POU6F2: variants seen among roughly 807,000 people sequenced by gnomAD.
POU6F2 encodes the protein POU class 6 homeobox 2.
A neutral mutation model predicts 71.3 loss-of-function variants in POU6F2; 31 were observed. The ratio of observed to expected loss-of-function variants is 0.43; its 90% CI spans 0.33 to 0.59. The LOEUF (loss-of-function observed/expected upper bound fraction) is 0.59, where lower values mean the gene tolerates loss of function less well. POU6F2 is among the 20% of genes least tolerant of loss of function. The pLI, the probability that POU6F2 is intolerant of heterozygous loss-of-function variation, is 0.04. For synonymous variants in POU6F2, 347 were observed against 355.7 expected, an observed-to-expected ratio of 0.98 and a Z score of 0.27; for missense variants, 783 against 856.8, an observed-to-expected ratio of 0.91 and a Z score of 1.07.
At position 39,412,964 on chromosome 7, in the gene POU6F2, C is replaced by G. The variant is rs557918152; in HGVS notation, c.1113+6224C>G. Among the ~76,000 whole-genome samples, 96 of 150,886 alleles carry G rather than the reference C, an allele frequency of 6.4e-4. No individual in the cohort carries two copies. The South Asian group carries it at 0.019, about 30-fold the overall frequency. On this transcript the variant is annotated intron_variant, in intron 6 of 9. Transcript: ENST00000518318. Reference sequence around the variant, plus strand: ...TACAGGTGCCTGCCACCACGCCTGGCTAATTTTTTTTTGTATTTTTTAGTA... The same window carrying G: ...TACAGGTGCCTGCCACCACGCCTGGGTAATTTTTTTTTGTATTTTTTAGTA...
rs943400127 is a variant in POU6F2 at position 38,983,598 on chromosome 7, A to G, written c.105+5540A>G. 2.6e-5 allele frequency among the ~76,000 whole-genome samples: 4 copies of G among 152,184 alleles called. No homozygotes were observed. In the South Asian group the frequency reaches 6.2e-4, roughly 24 times the overall value. ...AAGAAGCGGTTGCGAGTGAAACACT[A>G]TCACTACATTTCAGTAAAGATTTAT... On this transcript the variant is annotated intron_variant, in intron 1 of 9. Coordinates refer to ENST00000518318, the MANE Select transcript of POU6F2 (RefSeq NM_001370959.1).
At chr7:39,121,256 A>C (rs1792034086) in intron 2 of POU6F2, among the ~76,000 whole-genome samples, 1 of 152,228 alleles carries the variant, frequency 6.6e-6, no homozygotes, top group African/African-American at 2.4e-5. Context: ...CCGTTTCCTC[A>C]TCCATTAAGT....
At chr7:39,007,971 G>A (rs1194240273) in intron 1 of POU6F2, among the ~76,000 whole-genome samples, 4 of 149,998 alleles carry the variant, frequency 2.7e-5, no homozygotes, top group Admixed American at 1.3e-4. Context: ...ATTGTGAATA[G>A]TGCCGCAATA....
chr7:39,215,056 G>A (rs1426526101), intron 4 of POU6F2, among the ~76,000 whole-genome samples: 3 of 152,184 alleles, frequency 2.0e-5, no homozygotes, highest in African/African-American at 7.2e-5. Flanking sequence ...GTAAGAAGCA[G>A]GAAGGAGGCC....
intron 2 of POU6F2, among the ~76,000 whole-genome samples, chr7:39,089,747 TA>T (rs1791324378): frequency 6.6e-6 from 1 of 152,216 alleles, no homozygotes; most frequent in Non-Finnish European, 1.5e-5. Flanking sequence ...ATATGTGTGC[TA>T]AAGTTTTCCC....
intron 6 of POU6F2, among the ~76,000 whole-genome samples, chr7:39,426,603 C>G (rs1359867721): frequency 6.6e-6 from 1 of 152,052 alleles, no homozygotes; most frequent in African/African-American, 2.4e-5. Flanking sequence ...CTCTCTCCCT[C>G]TCTCTCACCC....
intron 4 of POU6F2, among the ~76,000 whole-genome samples, chr7:39,273,261 G>A (rs527839777): frequency 1.1e-4 from 17 of 152,214 alleles, no homozygotes; most frequent in African/African-American, 4.1e-4. Context: ...AGAACAGAGT[G>A]TAAAAATGGA....
intron 7 of POU6F2, among the ~76,000 whole-genome samples, chr7:39,449,189 A>G (rs1350278046): frequency 1.3e-5 from 2 of 152,124 alleles, no homozygotes; most frequent in African/African-American, 2.4e-5. Context: ...TCCCTGCACT[A>G]TGGGGTGGGA....
intron 1 of POU6F2, among the ~76,000 whole-genome samples, chr7:38,985,980 A>G (rs1788453221): frequency 6.6e-6 from 1 of 152,132 alleles, no homozygotes; most frequent in African/African-American, 2.4e-5. Flanking sequence ...CTATATCTAG[A>G]TTCCTAGTGA....
chr7:39,235,114 G>C (rs969422879), intron 4 of POU6F2, among the ~76,000 whole-genome samples: 4 of 152,134 alleles, frequency 2.6e-5, no homozygotes, highest in African/African-American at 9.7e-5. Context: ...TCCAGGATTT[G>C]CTACTTTTAC....
At chr7:39,343,935 A>G (rs1583539770) in intron 5 of POU6F2, among the ~76,000 whole-genome samples, 2 of 152,304 alleles carry the variant, frequency 1.3e-5, no homozygotes, top group East Asian at 3.9e-4. Flanking sequence ...GGCAGAGTGA[A>G]AAGAGAGTGG....
intron 8 of POU6F2, among the ~76,000 whole-genome samples, chr7:39,454,712 ATATATATATATAT>A (rs1788756241): frequency 2.3e-5 from 2 of 85,200 alleles, no homozygotes; most frequent in African/African-American, 4.3e-5. Flanking sequence ...ATATATATAT[ATATATATATATAT>A]ATAAAATAAG....
chr7:38,992,659 T>C (rs859532), intron 1 of POU6F2, among the ~76,000 whole-genome samples: 151,484 of 152,270 alleles, frequency 0.99, 75,358 homozygotes, highest in East Asian at 1. Context: ...GCTTATAAAG[T>C]CAATATCATT....
In POU6F2 at chr7:39,207,613, T is replaced by G. The variant is rs1408698202; in HGVS notation, c.591T>G (p.Asn197Lys). The G allele has an allele frequency of 6.2e-7, 1 of 1,613,564 alleles. No homozygotes were observed. Among genetic ancestry groups the G allele is most frequent in the East Asian group, 2.2e-5 (1 of 44,846 alleles). Residue 197 changes from asparagine to lysine, a missense_variant, in exon 4 of 10, where the codon AAT becomes AAG. Asn to Lys is a moderately conservative substitution (Grantham distance 94, BLOSUM62 0). Around this residue, in one of 2 missense-constraint regions of POU6F2, gnomAD observed 572 missense variants for 572.9 expected, o/e 1.00. Transcript: ENST00000518318. The part of the protein sequence containing the change: ...AGGIMTLPLQ[N>K]LQATSSLNSQ... ...GCATTATGACTCTGCCACTGCAAAA[T>G]CTACAAGGTAATCCATAATGTCCAT... is the stretch of plus-strand genomic sequence containing the variant.
At chr7:39,324,635 A>G (rs749952173) in intron 4 of POU6F2, among the ~76,000 whole-genome samples, 1 of 152,230 alleles carries the variant, frequency 6.6e-6, no homozygotes, top group Non-Finnish European at 1.5e-5. Context: ...ACATTGCAGT[A>G]GACAAAGTAA....
chr7:39,393,404 A>G (rs1189886662), intron 5 of POU6F2, among the ~76,000 whole-genome samples: 1 of 152,176 alleles, frequency 6.6e-6, no homozygotes, highest in Non-Finnish European at 1.5e-5. Context: ...TGCTTTTCGA[A>G]TCATCTGCCA....
intron 1 of POU6F2, among the ~76,000 whole-genome samples, chr7:38,997,470 T>C (rs188854862): frequency 6.6e-6 from 1 of 152,364 alleles, no homozygotes; most frequent in East Asian, 1.9e-4. Context: ...CCTGTCTGCC[T>C]GAACCAGCCT....
At chr7:39,314,946 G>A (rs1419187242) in intron 4 of POU6F2, among the ~76,000 whole-genome samples, 2 of 151,962 alleles carry the variant, frequency 1.3e-5, no homozygotes, top group African/African-American at 4.8e-5. Context: ...CTGAAAGATG[G>A]TCTTCAGGTG....
intron 9 of POU6F2, among the ~76,000 whole-genome samples, chr7:39,463,189 T>G (rs771131454): frequency 6.6e-6 from 1 of 152,222 alleles, no homozygotes. Flanking sequence ...TGTACTTCAT[T>G]GAGAGTGAGT....
Sources: allele counts gnomAD v4.1 joint callset (sites outside exome capture counted in the v4.1 genomes callset), GRCh38; gene constraint gnomAD v4.1.1; regional missense constraint gnomAD v4.1.1; transcripts MANE v1.5; gene names NCBI Gene and HGNC (gene_info 2026-07-23, HGNC 2026-07-21).